Variants in RANBP17 observed in about 807,000 individuals in gnomAD.
The protein encoded by RANBP17 is RAN binding protein 17.
A neutral mutation model predicts 141.2 loss-of-function variants in RANBP17; 158 were observed. That is an observed-to-expected ratio of 1.12 (90% CI 0.98 to 1.28). The LOEUF (loss-of-function observed/expected upper bound fraction) is 1.28, where lower values mean the gene tolerates loss of function less well. Among genes scored for constraint, RANBP17 ranks in the 50% most tolerant of loss-of-function variants. The pLI, the probability that RANBP17 is intolerant of heterozygous loss-of-function variation, is 0.00. For synonymous variants in RANBP17, 430 were observed against 450.0 expected (o/e 0.96, Z 0.56); for missense variants, 1,438 against 1,290.7 (o/e 1.11, Z -1.75).
chr5:171,235,357 G>A (rs1468856522), intron 22 of RANBP17, among the ~76,000 whole-genome samples: 2 of 148,566 alleles, frequency 1.3e-5, no homozygotes, highest in African/African-American at 4.9e-5. Flanking sequence ...AGACAGTAGT[G>A]TGACTTGTAT....
chr5:170,921,491 C>T (rs1772460649), intron 11 of RANBP17, among the ~76,000 whole-genome samples: 1 of 151,488 alleles, frequency 6.6e-6, no homozygotes. Context: ...GTTACTGTAG[C>T]CTTGTAGTAT....
chr5:171,115,817 G>C (rs940272000), intron 14 of RANBP17, among the ~76,000 whole-genome samples: 13 of 152,118 alleles, frequency 8.5e-5, no homozygotes, highest in Non-Finnish European at 7.4e-5. Flanking sequence ...AAACTTGCTA[G>C]CAAAATTTTT....
At chr5:171,155,399 AC>A (rs1364201604) in intron 14 of RANBP17, among the ~76,000 whole-genome samples, 3 of 152,086 alleles carry the variant, frequency 2.0e-5, no homozygotes, top group African/African-American at 7.2e-5. Flanking sequence ...TTTAATATCA[AC>A]TACAGTGTGG....
At chr5:171,105,243 G>A (rs369002239) in intron 14 of RANBP17, among the ~76,000 whole-genome samples, 5 of 149,476 alleles carry the variant, frequency 3.3e-5, no homozygotes, top group South Asian at 2.1e-4. Context: ...TTAGCCGGGC[G>A]TAGTGGCGGG....
At chr5:170,915,757 C>T (rs767708735) in intron 8 of RANBP17, among the ~76,000 whole-genome samples, 1 of 152,008 alleles carries the variant, frequency 6.6e-6, no homozygotes, top group Non-Finnish European at 1.5e-5. Flanking sequence ...CCCTGCCCCC[C>T]CCAACAGGAT....
At chr5:171,213,136 CTG>C (rs1763010289) in intron 20 of RANBP17, among the ~76,000 whole-genome samples, 3 of 152,026 alleles carry the variant, frequency 2.0e-5, no homozygotes, top group South Asian at 4.1e-4. Context: ...AATTTTGAAA[CTG>C]AGAGATATGT....
At chr5:171,132,782 A>G (rs887769199) in intron 14 of RANBP17, among the ~76,000 whole-genome samples, 3 of 151,834 alleles carry the variant, frequency 2.0e-5, no homozygotes, top group Admixed American at 6.6e-5. Context: ...CAGTTTTTCA[A>G]CTCTTTTCGT....
At chr5:171,115,310 A>G (rs1312256525) in intron 14 of RANBP17, among the ~76,000 whole-genome samples, 1 of 152,196 alleles carries the variant, frequency 6.6e-6, no homozygotes, top group African/African-American at 2.4e-5. Flanking sequence ...CCATTATGAA[A>G]TGGAAATTAT....
At chr5:171,139,789 A>G (rs2127805900) in intron 14 of RANBP17, among the ~76,000 whole-genome samples, 1 of 152,286 alleles carries the variant, frequency 6.6e-6, no homozygotes, top group South Asian at 2.1e-4. Context: ...AATTGTAGCC[A>G]GGGTAGTCTT....
At chr5:171,294,168 A>T (rs1316995549) in intron 26 of RANBP17, among the ~76,000 whole-genome samples, 187 bp downstream of exon 26, 1 of 152,150 alleles carries the variant, frequency 6.6e-6, no homozygotes, top group East Asian at 1.9e-4. Flanking sequence ...GATCTTCTTC[A>T]GGTAAGCAGA....
At chr5:171,224,870 C>G (rs1441850550) in intron 22 of RANBP17, among the ~76,000 whole-genome samples, 2 of 152,114 alleles carry the variant, frequency 1.3e-5, no homozygotes, top group East Asian at 3.8e-4. Context: ...ATACATTACC[C>G]TGTTGAATCC....
At chr5:171,067,366 A>G (rs1784373670) in intron 14 of RANBP17, among the ~76,000 whole-genome samples, 1 of 152,172 alleles carries the variant, frequency 6.6e-6, no homozygotes, top group Admixed American at 6.5e-5. Flanking sequence ...ATATATTTAC[A>G]GTTAATGCCT....
intron 14 of RANBP17, among the ~76,000 whole-genome samples, chr5:171,123,664 G>A (rs1756211566): frequency 6.6e-6 from 1 of 152,194 alleles, no homozygotes; most frequent in Non-Finnish European, 1.5e-5. Context: ...CTACTGCATG[G>A]TTGCCTAAGG....
intron 12 of RANBP17, among the ~76,000 whole-genome samples, chr5:170,935,638 T>G (rs1773804217): frequency 6.6e-6 from 1 of 152,040 alleles, no homozygotes; most frequent in Non-Finnish European, 1.5e-5. Flanking sequence ...TGTTGCTGCC[T>G]AATCCTTCCT....
chr5:170,911,376 G>A, intron 7 of RANBP17: 5 of 574,792 alleles, frequency 8.7e-6, no homozygotes, highest in Non-Finnish European at 1.6e-5. Context: ...GCTAAATGGA[G>A]AGCAGATTTG....
intron 18 of RANBP17, among the ~76,000 whole-genome samples, chr5:171,196,819 C>CT (rs1762006438): frequency 6.6e-6 from 1 of 151,798 alleles, no homozygotes; most frequent in South Asian, 2.1e-4. Context: ...CATAGATAAA[C>CT]TTTTTTTTCT....
intron 12 of RANBP17, among the ~76,000 whole-genome samples, chr5:170,944,315 A>G (rs1404877916): frequency 6.6e-6 from 1 of 152,202 alleles, no homozygotes; most frequent in African/African-American, 2.4e-5. Context: ...CACCTAGGCT[A>G]GAGTGCAGTG....
chr5:170,873,763 T>C (rs2127333584), intron 1 of RANBP17, among the ~76,000 whole-genome samples: 1 of 152,320 alleles, frequency 6.6e-6, no homozygotes, highest in Admixed American at 6.5e-5. Flanking sequence ...TAGCAGTCTA[T>C]CTATTTTATT....
At chr5:170,865,803 C>G (rs184665607) in intron 1 of RANBP17, among the ~76,000 whole-genome samples, 3 of 152,158 alleles carry the variant, frequency 2.0e-5, no homozygotes, top group Non-Finnish European at 4.4e-5. Context: ...CAGAATTCAC[C>G]GAAAGTTGTC....
Sources: allele counts gnomAD v4.1 joint callset (sites outside exome capture counted in the v4.1 genomes callset), GRCh38; gene constraint gnomAD v4.1.1; transcripts MANE v1.5; gene names NCBI Gene and HGNC (gene_info 2026-07-23, HGNC 2026-07-21).